NHS: variants seen among roughly 807,000 people sequenced by gnomAD.
NHS encodes NHS actin remodeling regulator.
In NHS, 5 loss-of-function variants were observed where a neutral mutation model predicts 72.5. The ratio of observed to expected loss-of-function variants is 0.07; its 90% CI spans 0.04 to 0.14. The LOEUF is 0.14. Ranked by LOEUF, NHS falls within the 10% of genes least tolerant of loss-of-function variation. The pLI is 1.00. For missense variants in NHS, 1,072 were observed against 1,355.7 expected (o/e 0.79, Z 3.29); for synonymous variants, 464 against 547.7 (o/e 0.85, Z 2.13).
intron 1 of NHS, among the ~76,000 whole-genome samples, chrX:17,469,205 T>C (rs1161635586): frequency 1.8e-5 from 2 of 112,197 alleles, no homozygotes; most frequent in Non-Finnish European, 3.8e-5. Flanking sequence ...AATGTATTGA[T>C]CCAGTCTGCT....
At chrX:17,385,114 G>C (rs761091807) in intron 1 of NHS, among the ~76,000 whole-genome samples, 4 of 112,423 alleles carry the variant, frequency 3.6e-5, no homozygotes, top group African/African-American at 1.3e-4. Flanking sequence ...CCAGAGGGCA[G>C]GGAAACTGTC....
intron 5 of NHS, among the ~76,000 whole-genome samples, chrX:17,721,843 T>A (rs2066408416): frequency 8.9e-6 from 1 of 111,766 alleles, no homozygotes; most frequent in Admixed American, 9.5e-5. Context: ...TTATGTAAAT[T>A]ATGGACAGTT....
At chrX:17,712,649 G>A (rs767447405) in intron 3 of NHS, among the ~76,000 whole-genome samples, 23 of 109,307 alleles carry the variant, frequency 2.1e-4, no homozygotes, top group South Asian at 4.0e-4. Context: ...CCAGAACTTC[G>A]CCACGGTGAT....
Position 17,728,137 on chromosome X carries a change from T to G in NHS, c.4031T>G (p.Phe1344Cys). The change falls in exon 7 of 9, where the codon TTT becomes TGT. Residue 1344 changes from phenylalanine to cysteine, a missense_variant. Phe to Cys is a radical substitution (Grantham distance 205). Transcript: ENST00000676302. The stretch of plus-strand genomic sequence containing the variant: ...GTAAGCAATCAATTTAAGCATCAAT[T>G]TGTTATGAGCCGCCACCATGACAAA... ...TDVSNQFKHQ[F>C]VMSRHHDKVP... The G allele has an allele frequency of 1.7e-6, 2 of 1,211,633 alleles. No homozygotes were observed. The highest frequency in any genetic ancestry group is 1.1e-6 in the Non-Finnish European group (1 of 895,494).
intron 1 of NHS, among the ~76,000 whole-genome samples, chrX:17,504,787 T>C (rs1182187256): frequency 1.8e-5 from 2 of 112,328 alleles, no homozygotes; most frequent in Admixed American, 1.9e-4. Context: ...AAAAAGGGTT[T>C]CTTTACTCCA....
chrX:17,467,199 T>C (rs1375843965), intron 1 of NHS, among the ~76,000 whole-genome samples: 4 of 112,009 alleles, frequency 3.6e-5, no homozygotes, highest in African/African-American at 1.3e-4. Flanking sequence ...ATGTTCCTAA[T>C]TAATGAAGAT....
chrX:17,705,098 T>G (rs1358632070), intron 3 of NHS, among the ~76,000 whole-genome samples: 2 of 111,941 alleles, frequency 1.8e-5, no homozygotes, highest in Non-Finnish European at 3.8e-5. Flanking sequence ...GGAGAACCAG[T>G]GAATTCAGGC....
intron 1 of NHS, among the ~76,000 whole-genome samples, chrX:17,666,703 A>C (rs112589823): frequency 8.9e-6 from 1 of 112,698 alleles, no homozygotes; most frequent in Non-Finnish European, 1.9e-5. Flanking sequence ...AACTGGATTC[A>C]TCAGGATAGG....
chrX:17,698,904 GA>G (rs1223154858), intron 3 of NHS, among the ~76,000 whole-genome samples: 2 of 110,827 alleles, frequency 1.8e-5, no homozygotes, highest in African/African-American at 6.6e-5. Flanking sequence ...TTTTTAATTA[GA>G]AATGCCCCTA....
intron 3 of NHS, among the ~76,000 whole-genome samples, chrX:17,700,761 A>G (rs934150958): frequency 3.6e-5 from 4 of 112,026 alleles, no homozygotes; most frequent in African/African-American, 1.3e-4. Context: ...AACAACCCAA[A>G]TACCTATACA....
In NHS at chrX:17,379,755, A is replaced by G. The variant is rs183000440; in HGVS notation, c.565+3433A>G. On this transcript the variant is annotated intron_variant, in intron 1 of 8. Coordinates refer to ENST00000676302, the MANE Select transcript of NHS (RefSeq NM_001291867.2). ...GCGCCATTGCACTCCAGCGTGGGCA[A>G]CAAGAGTGAGACTTCATCTCAAAAT... 1.1e-3 allele frequency among the ~76,000 whole-genome samples: 128 copies of G among 112,389 alleles called. 1 individual carries two copies. Among genetic ancestry groups the G allele is most frequent in the African/African-American group, 3.9e-3 (121 of 30,952 alleles).
At chrX:17,609,398 C>G (rs1431458567) in intron 1 of NHS, among the ~76,000 whole-genome samples, 1 of 111,307 alleles carries the variant, frequency 9.0e-6, no homozygotes, top group Non-Finnish European at 1.9e-5. Context: ...GCATTCTAGG[C>G]AGAGGGAACA....
At chrX:17,447,430 A>G (rs1035825366) in intron 1 of NHS, among the ~76,000 whole-genome samples, 2 of 110,649 alleles carry the variant, frequency 1.8e-5, no homozygotes, top group African/African-American at 6.6e-5. Flanking sequence ...ACCACAAGAA[A>G]TTAAGTGGGA....
chrX:17,676,420 G>A (rs1017532940), intron 1 of NHS, among the ~76,000 whole-genome samples: 2 of 112,085 alleles, frequency 1.8e-5, no homozygotes, highest in African/African-American at 3.2e-5. Flanking sequence ...AAGAAACTAT[G>A]AGTACTAAAG....
At chrX:17,611,929 G>A (rs1601800060) in intron 1 of NHS, among the ~76,000 whole-genome samples, 1 of 111,561 alleles carries the variant, frequency 9.0e-6, no homozygotes, top group East Asian at 2.8e-4. Context: ...TGGTACTTTT[G>A]GTAAAGAACT....
intron 1 of NHS, among the ~76,000 whole-genome samples, chrX:17,420,705 G>A (rs2064618798): frequency 8.9e-6 from 1 of 111,805 alleles, no homozygotes; most frequent in Non-Finnish European, 1.9e-5. Flanking sequence ...TCTTCTTAAA[G>A]CTCAAAATCC....
At position 17,536,646 on chromosome X, in the gene NHS, A is replaced by G. The variant is rs763530649; in HGVS notation, c.566-151096A>G. Among the ~76,000 whole-genome samples the G allele has an allele frequency of 2.6e-3, 296 of 112,550 alleles. 4 individuals are homozygous for G. The highest frequency in any genetic ancestry group is 9.2e-3 in the African/African-American group (284 of 31,007). On this transcript the variant is annotated intron_variant, in intron 1 of 8. Transcript: ENST00000676302. The stretch of plus-strand genomic sequence containing the variant: ...TTGGGATTTTCTCTTTCTTACAGAA[A>G]AGTTAGAGGAACCCAATAAATTGCT...
rs773317221 is a variant in NHS, at chrX:17,725,926, T to C, written c.1820T>C (p.Ile607Thr). Residue 607 changes from isoleucine to threonine, a missense_variant, in exon 7 of 9, where the codon ATC (isoleucine) becomes ACC (threonine). Coordinates refer to ENST00000676302, the MANE Select transcript of NHS (RefSeq NM_001291867.2). ...AACTCAGACACGTTTGGGAGCCCCA[T>C]CCACTGCATCTCCACGGCTGGCGTC... ...SSNSDTFGSP[I>T]HCISTAGVLL... is the part of the protein sequence containing the mutation. The C allele has an allele frequency of 8.3e-7, 1 of 1,211,507 alleles. No individual in the cohort carries two copies. The highest frequency in any genetic ancestry group is 3.0e-5 in the East Asian group (1 of 33,818).
intron 1 of NHS, among the ~76,000 whole-genome samples, chrX:17,539,506 T>C (rs1377855268): frequency 9.0e-6 from 1 of 110,650 alleles, no homozygotes; most frequent in Non-Finnish European, 1.9e-5. Flanking sequence ...ACATAGTAGA[T>C]GCTAAACAAA....
Sources: gnomAD v4.1 joint callset for allele counts (sites outside exome capture counted in the v4.1 genomes callset) on GRCh38, gnomAD v4.1.1 for gene constraint, MANE v1.5 for transcripts, NCBI Gene and HGNC (gene_info 2026-07-23, HGNC 2026-07-21) for gene names.